N4BP2: variants seen among roughly 807,000 people sequenced by gnomAD.
N4BP2 encodes NEDD4 binding protein 2.
A neutral mutation model predicts 152.8 loss-of-function variants in N4BP2; 91 were observed. The ratio of observed to expected loss-of-function variants is 0.60; its 90% CI spans 0.50 to 0.71. N4BP2 has a LOEUF of 0.71. Ranked by LOEUF, N4BP2 falls within the 30% of genes least tolerant of loss-of-function variation. The probability of loss-of-function intolerance (pLI) is 0.00; values close to 1 mark genes in which losing one functional copy is unlikely to be tolerated. For missense variants in N4BP2, 1,923 were observed against 2,059.1 expected (o/e 0.93, Z 1.28); for synonymous variants, 646 against 705.3 (o/e 0.92, Z 1.33).
At chr4:40,169,211 C>T in the N4BP2 span, among the ~76,000 whole-genome samples, 4 of 151,572 alleles carry the variant, frequency 2.6e-5, no homozygotes, top group African/African-American at 4.8e-5. Context: ...AGAGAAACCC[C>T]GCCTTTACTA....
At chr4:40,140,577 T>C (rs1029878517) in intron 14 of N4BP2, among the ~76,000 whole-genome samples, 3 of 149,932 alleles carry the variant, frequency 2.0e-5, no homozygotes, top group South Asian at 4.3e-4. Context: ...TTTGCACTTA[T>C]TCTCTTTTTT....
intron 2 of N4BP2, among the ~76,000 whole-genome samples, chr4:40,074,428 C>G (rs1409355198): frequency 6.6e-6 from 1 of 151,572 alleles, no homozygotes; most frequent in African/African-American, 2.4e-5. Flanking sequence ...AGGCTGGTCT[C>G]AAACTCCTTG....
At chr4:40,110,301 C>G (rs1716747544) in intron 5 of N4BP2, among the ~76,000 whole-genome samples, 1 of 152,178 alleles carries the variant, frequency 6.6e-6, no homozygotes. Context: ...CTATGTCTAA[C>G]CTTTTTAGGA....
At chr4:40,083,687 T>C (rs1170359528) in intron 2 of N4BP2, among the ~76,000 whole-genome samples, 3 of 152,062 alleles carry the variant, frequency 2.0e-5, no homozygotes, top group Non-Finnish European at 2.9e-5. Context: ...GAGGGAGGAA[T>C]GGGAATGGTT....
At chr4:40,180,923 G>A in the N4BP2 span, among the ~76,000 whole-genome samples, 68 of 152,178 alleles carry the variant, frequency 4.5e-4, no homozygotes, top group African/African-American at 1.4e-3. Context: ...AGGCTGAGGC[G>A]GGTGGATCAT....
chr4:40,123,490 C>A (rs1007246578), intron 10 of N4BP2, among the ~76,000 whole-genome samples: 1 of 150,954 alleles, frequency 6.6e-6, no homozygotes, highest in East Asian at 1.9e-4. Flanking sequence ...TTTTTTATAT[C>A]TTTTTTCTAT....
intron 2 of N4BP2, among the ~76,000 whole-genome samples, chr4:40,092,995 A>G (rs1242123169): frequency 1.4e-5 from 2 of 146,964 alleles, no homozygotes; most frequent in Non-Finnish European, 3.0e-5. Flanking sequence ...CCAGGCTGGA[A>G]TGCAATGGCG....
At chr4:40,178,049 A>T in the N4BP2 span, among the ~76,000 whole-genome samples, 1 of 152,120 alleles carries the variant, frequency 6.6e-6, no homozygotes, top group Non-Finnish European at 1.5e-5. Context: ...AATCCTAGCT[A>T]CTCAGGAGGC....
chr4:40,183,631 C>A, the N4BP2 span, among the ~76,000 whole-genome samples: 2 of 152,228 alleles, frequency 1.3e-5, no homozygotes, highest in East Asian at 3.8e-4. Context: ...CCACTGCGAC[C>A]GGCCTACTTT....
intron 2 of N4BP2, among the ~76,000 whole-genome samples, chr4:40,095,037 A>G (rs4974960): frequency 0.36 from 54,158 of 151,134 alleles, 10,042 homozygotes; most frequent in South Asian, 0.52. Flanking sequence ...CCATTGTCCA[A>G]CGTGCTGGGA....
intron 11 of N4BP2, 69 bp downstream of exon 11, chr4:40,124,274 C>A: frequency 8.6e-7 from 1 of 1,165,114 alleles, no homozygotes; most frequent in South Asian, 1.5e-5. Context: ...AATTTTAACT[C>A]ATTCTAAATT....
chr4:40,083,187 CAG>C (rs1251419849), intron 2 of N4BP2: 1 of 154,576 alleles, frequency 6.5e-6, no homozygotes, highest in Non-Finnish European at 1.4e-5. Context: ...TTGACAGTAA[CAG>C]TGTTGGTGAG....
At chr4:40,154,017 G>A (rs1014941143) in intron 17 of N4BP2, among the ~76,000 whole-genome samples, 175 bp from the exon 18 acceptor site, 14 of 152,220 alleles carry the variant, frequency 9.2e-5, no homozygotes, top group Admixed American at 6.5e-4. Context: ...TGTTTTGACC[G>A]TAGATAAAAG....
chr4:40,076,588 A>C (rs1051920435), intron 2 of N4BP2, among the ~76,000 whole-genome samples: 6 of 151,910 alleles, frequency 3.9e-5, no homozygotes, highest in African/African-American at 1.5e-4. Context: ...TCCTGGGTTC[A>C]TGCCATTCTC....
At chr4:40,062,119 C>G (rs1326155686) in intron 1 of N4BP2, among the ~76,000 whole-genome samples, 2 of 138,596 alleles carry the variant, frequency 1.4e-5, no homozygotes, top group African/African-American at 2.7e-5. Context: ...CGCTCTGTCA[C>G]CTAGGTGGGA....
intron 3 of N4BP2, among the ~76,000 whole-genome samples, chr4:40,101,048 A>G (rs1444073736): frequency 6.6e-6 from 1 of 152,174 alleles, no homozygotes; most frequent in Non-Finnish European, 1.5e-5. Flanking sequence ...CTGGCAAGTT[A>G]CTTTTTAATC....
chr4:40,064,515 C>T (rs867969772), intron 1 of N4BP2, among the ~76,000 whole-genome samples: 1 of 152,024 alleles, frequency 6.6e-6, no homozygotes, highest in African/African-American at 2.4e-5. Context: ...CCTTGTGATC[C>T]GCCTGCCTCG....
In N4BP2 at chr4:40,067,352, C is replaced by T. The variant is rs1021215985; in HGVS notation, c.-211-6103C>T. On this transcript the variant is annotated intron_variant, in intron 1 of 17. Transcript: ENST00000261435. ...TACATGCATGAGCTACTGTGCCTGGCCTCCTTTTTTTTTTTTTTAAGGCTG... is the reference window on the plus strand; with the variant it reads ...TACATGCATGAGCTACTGTGCCTGGTCTCCTTTTTTTTTTTTTTAAGGCTG... 3.8e-4 allele frequency among the ~76,000 whole-genome samples: 25 copies of T among 66,004 alleles called. No homozygotes were observed. The East Asian group carries it at 0.014, about 36-fold the overall frequency. The allele number at this position is 66,004 out of a possible 152,430, so 43.3% of individuals were successfully genotyped here. A position where few individuals can be genotyped will look rare whatever the true frequency, so the allele number is the denominator to read the frequency against.
chr4:40,160,209 G>A (rs888376951), downstream of N4BP2, among the ~76,000 whole-genome samples: 1 of 152,146 alleles, frequency 6.6e-6, no homozygotes, highest in Non-Finnish European at 1.5e-5. Context: ...AGCTTAATAA[G>A]TGCTAATGGC....
Sources: allele counts gnomAD v4.1 joint callset (sites outside exome capture counted in the v4.1 genomes callset), GRCh38; gene constraint gnomAD v4.1.1; transcripts MANE v1.5; gene names NCBI Gene and HGNC (gene_info 2026-07-23, HGNC 2026-07-21).